Variants in FOXP2 observed in about 807,000 individuals in gnomAD.
FOXP2 encodes the protein forkhead box protein P2.
In FOXP2, 12 loss-of-function variants were observed where a neutral mutation model predicts 115.8. That is an observed-to-expected ratio of 0.10 (90% CI 0.07 to 0.17). The LOEUF (loss-of-function observed/expected upper bound fraction) is 0.17, where lower values mean the gene tolerates loss of function less well. Among genes scored for constraint, FOXP2 ranks in the 10% least tolerant of loss-of-function variants. FOXP2 has a pLI of 1.00. For synonymous variants in FOXP2, 328 were observed against 297.7 expected (o/e 1.10, Z -1.05); for missense variants, 629 against 843.5 (o/e 0.75, Z 3.15).
intron 3 of FOXP2, among the ~76,000 whole-genome samples, chr7:114,602,486 A>G (rs78128350): frequency 0.011 from 1,615 of 152,164 alleles, 21 homozygotes; most frequent in African/African-American, 0.037. Flanking sequence ...GAGCACCTAA[A>G]AGATTCCTAT....
chr7:114,280,596 C>A (rs1324986953), intron 1 of FOXP2, among the ~76,000 whole-genome samples: 6 of 152,048 alleles, frequency 3.9e-5, no homozygotes, highest in Non-Finnish European at 4.4e-5. Context: ...AAGTGAGATA[C>A]AGTAACTACA....
intron 1 of FOXP2, among the ~76,000 whole-genome samples, chr7:114,188,339 G>A (rs968214849): frequency 1.3e-5 from 2 of 152,022 alleles, no homozygotes; most frequent in African/African-American, 4.8e-5. Flanking sequence ...ATTCTGCCTG[G>A]CATCACTGGC....
chr7:114,577,376 A>G (rs1014668003), intron 3 of FOXP2, among the ~76,000 whole-genome samples: 2 of 151,984 alleles, frequency 1.3e-5, no homozygotes, highest in Non-Finnish European at 2.9e-5. Flanking sequence ...TTGTTATGCT[A>G]TAATAACTTT....
chr7:114,658,164 C>T lies in FOXP2; in HGVS notation c.1365C>T (p.Thr455=), dbSNP rs768569674. The T allele has an allele frequency of 5.0e-6, 8 of 1,613,904 alleles. No homozygotes were observed. The South Asian group carries it at 6.6e-5, about 13-fold the overall frequency. ...CTACCACACCAACGGCCCCAGTCAC[C>T]CCGATTACCCAGGGACCCTCAGTAA... ...QTPTTPTAPV[T]PITQGPSVIT... Residue 455 remains threonine, a synonymous_variant, in exon 11 of 17, where the codon ACC becomes ACT. Transcript: ENST00000350908.
intron 1 of FOXP2, among the ~76,000 whole-genome samples, chr7:114,287,558 G>A (rs1796496701): frequency 6.6e-6 from 1 of 151,972 alleles, no homozygotes; most frequent in South Asian, 2.1e-4. Flanking sequence ...GTGATTATGA[G>A]GAGTAAATGC....
Position 114,378,701 on chromosome 7 carries a change from A to AAAAAAAAAAAAAAG in FOXP2, c.-10-47801_-10-47800insAAAAAAAAAAAAAG, listed in dbSNP as rs1554380027. 8.7e-3 allele frequency among the ~76,000 whole-genome samples: 923 copies of AAAAAAAAAAAAAAG among 106,422 alleles called. 1 individual carries two copies. The highest frequency in any genetic ancestry group is 0.014 in the Non-Finnish European group (719 of 52,758). The allele number at this position is 106,422 out of a possible 152,430, so 69.8% of individuals were successfully genotyped here. ...CCTGTCTCCAAAAAAAAAAAAAAAAAGGAAAAGAAAAAGAAAGAAAGTGAA... is the reference window on the plus strand; with the variant it reads ...CCTGTCTCCAAAAAAAAAAAAAAAAAAAAAAAAAAAAAAGGGAAAAGAAAAAGAAAGAAAGTGAA... On this transcript the variant is annotated intron_variant, in intron 2 of 17. Transcript: ENST00000634411.
intron 2 of FOXP2, among the ~76,000 whole-genome samples, chr7:114,328,089 T>G (rs1455032430): frequency 6.6e-6 from 1 of 150,462 alleles, no homozygotes; most frequent in African/African-American, 2.4e-5. Context: ...TTTGGCTAAT[T>G]TTTTTTTTCT....
intron 3 of FOXP2, among the ~76,000 whole-genome samples, chr7:114,559,797 G>T (rs1485514900): frequency 6.6e-6 from 1 of 151,612 alleles, no homozygotes; most frequent in South Asian, 2.1e-4. Context: ...GCTGAGTCAG[G>T]AGAATGGCGT....
At chr7:114,642,218 A>G (rs576959091) in intron 6 of FOXP2, among the ~76,000 whole-genome samples, 192 bp from the exon 7 acceptor site, 3 of 152,280 alleles carry the variant, frequency 2.0e-5, no homozygotes, top group African/African-American at 7.2e-5. Flanking sequence ...GGTACTCTTT[A>G]GAAAATAAAT....
chr7:114,122,027 G>T (rs1791580660), intron 1 of FOXP2, among the ~76,000 whole-genome samples: 1 of 152,086 alleles, frequency 6.6e-6, no homozygotes, highest in South Asian at 2.1e-4. Context: ...ATCAGAACTT[G>T]ATAGCATTAT....
intron 3 of FOXP2, among the ~76,000 whole-genome samples, chr7:114,594,926 G>C (rs1373391160): frequency 1.3e-5 from 2 of 151,900 alleles, no homozygotes; most frequent in Non-Finnish European, 2.9e-5. Flanking sequence ...TGTGGAAAAA[G>C]AAAGAGTCAG....
At chr7:114,563,652 A>G (rs1178868675) in intron 3 of FOXP2, among the ~76,000 whole-genome samples, 1 of 152,212 alleles carries the variant, frequency 6.6e-6, no homozygotes, top group Non-Finnish European at 1.5e-5. Flanking sequence ...TTACCACTAC[A>G]TAAGTTGCTG....
intron 2 of FOXP2, among the ~76,000 whole-genome samples, chr7:114,532,452 C>T (rs1168407918): frequency 6.6e-6 from 1 of 151,780 alleles, no homozygotes; most frequent in Non-Finnish European, 1.5e-5. Context: ...ATTCCTTTGA[C>T]AGAACAGAAA....
intron 3 of FOXP2, among the ~76,000 whole-genome samples, chr7:114,560,593 G>A (rs969883217): frequency 3.9e-5 from 6 of 152,108 alleles, no homozygotes; most frequent in Non-Finnish European, 5.9e-5. Flanking sequence ...ACCAGCCTGG[G>A]TGACAGAGCA....
chr7:114,607,717 G>T (rs1803405901), intron 3 of FOXP2, among the ~76,000 whole-genome samples: 1 of 152,044 alleles, frequency 6.6e-6, no homozygotes, highest in East Asian at 1.9e-4. Flanking sequence ...TAAACATAGT[G>T]GGAGTTCCTG....
intron 2 of FOXP2, among the ~76,000 whole-genome samples, chr7:114,507,905 A>T (rs895979054): frequency 6.6e-6 from 1 of 151,948 alleles, no homozygotes; most frequent in African/African-American, 2.4e-5. Context: ...TATATTGAGT[A>T]TTCCCCTGGA....
At chr7:114,295,251 A>G (rs188834390) in intron 2 of FOXP2, among the ~76,000 whole-genome samples, 2 of 152,282 alleles carry the variant, frequency 1.3e-5, no homozygotes, top group Admixed American at 1.3e-4. Context: ...TACAGCCCAT[A>G]TCAAGTATGA....
chr7:114,254,844 G>T (rs900341350), intron 1 of FOXP2, among the ~76,000 whole-genome samples: 3 of 152,194 alleles, frequency 2.0e-5, no homozygotes, highest in Admixed American at 1.3e-4. Context: ...GAGGAGCTGC[G>T]TTCCTTTGGA....
intron 11 of FOXP2, among the ~76,000 whole-genome samples, chr7:114,658,536 A>G (rs1806709128): frequency 6.6e-6 from 1 of 152,186 alleles, no homozygotes; most frequent in South Asian, 2.1e-4. Flanking sequence ...CCTCAATTCA[A>G]TGAGATCCTT....
Sources: allele counts gnomAD v4.1 joint callset (sites outside exome capture counted in the v4.1 genomes callset), GRCh38; gene constraint gnomAD v4.1.1; transcripts MANE v1.5; gene names NCBI Gene and HGNC (gene_info 2026-07-23, HGNC 2026-07-21).